Variants in P3H3 observed in about 807,000 individuals in gnomAD.
P3H3 encodes the protein gene rich cluster, B.
In P3H3, 64 loss-of-function variants were observed where a neutral mutation model predicts 78.1. The ratio of observed to expected loss-of-function variants is 0.82; its 90% CI spans 0.67 to 1.01. The LOEUF (loss-of-function observed/expected upper bound fraction) is 1.01, where lower values mean the gene tolerates loss of function less well. Among genes scored for constraint, P3H3 ranks in the 50% least tolerant of loss-of-function variants. The pLI is 0.00. For missense variants in P3H3, 975 were observed against 982.2 expected, an observed-to-expected ratio of 0.99 and a Z score of 0.10; for synonymous variants, 425 against 416.7, an observed-to-expected ratio of 1.02 and a Z score of -0.24.
chr12:6,833,324 T>G (rs2137962437), intron 6 of P3H3: 1 of 514,380 alleles, frequency 1.9e-6, no homozygotes, highest in Non-Finnish European at 3.5e-6. Flanking sequence ...ATGAGACTGT[T>G]GTGAACTTTA....
chr12:6,829,296 G>C lies in P3H3; in HGVS notation c.498+358G>C, dbSNP rs999793102. On this transcript the variant is annotated intron_variant, in intron 1 of 14. Transcript: ENST00000290510. This position sits in a 1 kb window ranked among gnomAD's most constrained non-coding sequence, Gnocchi z 5.1. Reference sequence around the variant, plus strand: ...GTGTGCGTGGGTGTGTGTGTGTGTCGGGGGTGGTGGTGAGTGTGAACCTTC... The same window carrying C: ...GTGTGCGTGGGTGTGTGTGTGTGTCCGGGGTGGTGGTGAGTGTGAACCTTC... The C allele has an allele frequency of 7.7e-6, 2 of 261,044 alleles. No individual in the cohort carries two copies. Among genetic ancestry groups the C allele is most frequent in the African/African-American group, 4.4e-5 (2 of 44,974 alleles). The allele number at this position is 261,044 out of a possible 1,614,324, so 16.2% of individuals were successfully genotyped here. A position where few individuals can be genotyped will look rare whatever the true frequency, so the allele number is the denominator to read the frequency against.
intron 6 of P3H3, among the ~76,000 whole-genome samples, chr12:6,832,595 T>TTTTTTA (rs1215029651): frequency 1.3e-5 from 2 of 151,998 alleles, no homozygotes; most frequent in Non-Finnish European, 2.9e-5. Flanking sequence ...GAAGCTAGTT[T>TTTTTTA]TTTTTATTTT....
intron 10 of P3H3, 115 bp downstream of exon 10, chr12:6,837,201 C>A: frequency 9.8e-7 from 1 of 1,020,018 alleles, no homozygotes; most frequent in Non-Finnish European, 1.4e-6. Context: ...GGGACCGAGA[C>A]TACCTGATAG....
chr12:6,837,060 G>T lies in P3H3; in HGVS notation c.1534G>T (p.Gly512Trp). 1 of 1,605,986 alleles carries T rather than the reference G, an allele frequency of 6.2e-7. No homozygotes were observed. ...SPHTPHERFEGLTVLKAAQLA... is the reference protein window; with the variant it reads ...SPHTPHERFEWLTVLKAAQLA... ...TCACACCCCCCATGAACGCTTCGAG[G>T]GGCTCACGGTGCTTAAGGCTGCGCA... is the stretch of plus-strand genomic sequence containing the variant. The change falls in exon 10 of 15, where the codon GGG (glycine) becomes TGG (tryptophan). Residue 512 changes from glycine (G) to tryptophan (W), a missense_variant. Transcript: ENST00000290510.
Position 6,828,589 on chromosome 12 carries a change from C to G in P3H3, c.149C>G (p.Ala50Gly). Reference protein sequence around the residue: ...LYADGLRAYAAGAWAPAVALL... With the variant: ...LYADGLRAYAGGAWAPAVALL... ...GCTGACGGGCTGCGCGCCTACGCGG[C>G]CGGGGCTTGGGCGCCGGCCGTGGCG... The change falls in exon 1 of 15, where the codon GCC (alanine) becomes GGC (glycine). Residue 50 changes from alanine to glycine, a missense_variant. Coordinates refer to ENST00000290510, the MANE Select transcript of P3H3 (RefSeq NM_014262.5). 2 of 1,224,498 alleles carry G rather than the reference C, an allele frequency of 1.6e-6. No homozygotes were observed. 75.9% of individuals were successfully genotyped at this position (1,224,498 alleles called of 1,614,324 possible).
Position 6,830,539 on chromosome 12 carries a change from T to C in P3H3, c.838T>C (p.Tyr280His). 10 of 1,572,542 alleles carry C rather than the reference T, an allele frequency of 6.4e-6. No individual in the cohort carries two copies. Among genetic ancestry groups the C allele is most frequent in the Non-Finnish European group, 8.6e-6 (10 of 1,159,450 alleles). ...TGGGGCTGCGAGCCAGGGGGGCCTC[T>C]ATGAGGCCATTGCAGGTAAGGGTCC... ...EDGAASQGGLYEAIAGHWIQV... is the reference protein window; with the variant it reads ...EDGAASQGGLHEAIAGHWIQV... The change falls in exon 3 of 15, where the codon TAT (tyrosine) becomes CAT (histidine). Residue 280 changes from tyrosine to histidine, a missense_variant. Physicochemically the swap from Tyr to His is moderately conservative, Grantham distance 83 (BLOSUM62 2). Coordinates refer to ENST00000290510, the MANE Select transcript of P3H3 (RefSeq NM_014262.5).
At position 6,839,596 on chromosome 12, in the gene P3H3, T is replaced by G; in HGVS notation, c.*135T>G. 3.7e-6 allele frequency: 4 copies of G among 1,074,620 alleles called. No homozygotes were observed. The highest frequency in any genetic ancestry group is 5.2e-6 in the Non-Finnish European group (4 of 764,556). The allele number at this position is 1,074,620 out of a possible 1,614,324, so 66.6% of individuals were successfully genotyped here. On this transcript the variant is annotated 3_prime_UTR_variant, in exon 15 of 15. Transcript: ENST00000290510. ...TCTCTGTCCCTGCACCCCCACCATC[T>G]TGGGGACCTACAAGGGCCTGGACTC...
In P3H3 at chr12:6,830,793, C is replaced by A. The variant is rs782281965; in HGVS notation, c.985+23C>A. On this transcript the variant is annotated intron_variant, in intron 4 of 14. Coordinates refer to ENST00000290510, the MANE Select transcript of P3H3 (RefSeq NM_014262.5). ...AGGGTCAGTTGGGGAAGGGTGGAAA[C>A]GGGGAGTGAAGATTTGCCTCTGCTG... The A allele has an allele frequency of 7.4e-6, 12 of 1,613,146 alleles. No individual in the cohort carries two copies. In the African/African-American group the frequency reaches 8.0e-5, roughly 11 times the overall value.
chr12:6,833,778 C>G lies in P3H3; in HGVS notation c.1302C>G (p.Pro434=), dbSNP rs782609907. ...DQEKRPWDHE[P]VKPKPLTYWK... ...AGAAGAGGCCTTGGGACCATGAGCCCGTGAAGCCAAAGCCCTTGACCTACT... is the reference window on the plus strand; with the variant it reads ...AGAAGAGGCCTTGGGACCATGAGCCGGTGAAGCCAAAGCCCTTGACCTACT... Residue 434 remains proline (P), a synonymous_variant, in exon 8 of 15, where the codon CCC becomes CCG. Transcript: ENST00000290510. 2 of 1,611,806 alleles carry G rather than the reference C, an allele frequency of 1.2e-6. No homozygotes were observed. The highest frequency in any genetic ancestry group is 1.7e-6 in the Non-Finnish European group (2 of 1,178,022).
Position 6,828,470 on chromosome 12 carries a change from A to T in P3H3, c.30A>T (p.Leu10=). The T allele has an allele frequency of 8.1e-7, 1 of 1,231,282 alleles. No individual in the cohort carries two copies. Among genetic ancestry groups the T allele is most frequent in the Non-Finnish European group, 1.1e-6 (1 of 912,322 alleles). 76.3% of individuals were successfully genotyped at this position (1,231,282 alleles called of 1,614,324 possible). A position where few individuals can be genotyped will look rare whatever the true frequency, so the allele number is the denominator to read the frequency against. ...TCCGGCTCCTCCGGCCGCTGCTGCT[A>T]CTGCTGCTGCTGCCTCCCCCGGGGT... is the stretch of plus-strand genomic sequence containing the variant. MLRLLRPLL[L]LLLLPPPGSP... The change falls in exon 1 of 15, where the codon CTA becomes CTT. Residue 10 remains leucine, a synonymous_variant. Transcript: ENST00000290510.
In P3H3 at chr12:6,837,466, T is replaced by G; in HGVS notation, c.1604T>G (p.Leu535Arg). ...GTGGGCAGTCAGGGTGCTAAGCTGC[T>G]TCTGGAGGTGAGCGAGCGGGTGCGG... ...GTVGSQGAKL[L>R]LEVSERVRTL... The change falls in exon 11 of 15, where the codon CTT becomes CGT. Residue 535 changes from leucine to arginine, a missense_variant. By Grantham distance (102) the Leu-to-Arg change is moderately radical. Transcript: ENST00000290510. 1 of 1,612,026 alleles carries G rather than the reference T, an allele frequency of 6.2e-7. No homozygotes were observed. Among genetic ancestry groups the G allele is most frequent in the Non-Finnish European group, 8.5e-7 (1 of 1,179,208 alleles).
chr12:6,830,737 C>G lies in P3H3; in HGVS notation c.952C>G (p.Gln318Glu), dbSNP rs1943442134. The part of the protein sequence containing the change: ...SFPVPDFLPN[Q>E]LRRLHEAHAQ... ...CCCTGTCCCAGACTTCCTTCCCAAC[C>G]AGCTGAGGCGGCTACATGAGGCCCA... Residue 318 changes from glutamine to glutamate, a missense_variant, in exon 4 of 15, where the codon CAG becomes GAG. Physicochemically the swap from Gln to Glu is conservative, Grantham distance 29 (BLOSUM62 2). Coordinates refer to ENST00000290510, the MANE Select transcript of P3H3 (RefSeq NM_014262.5). The G allele has an allele frequency of 6.2e-7, 1 of 1,613,892 alleles. No homozygotes were observed. Among genetic ancestry groups the G allele is most frequent in the Admixed American group, 1.7e-5 (1 of 60,000 alleles).
rs1555120869 is a variant in P3H3 at position 6,828,852 on chromosome 12, G to T, written c.412G>T (p.Ala138Ser). 1 of 1,245,398 alleles carries T rather than the reference G, an allele frequency of 8.0e-7. No individual in the cohort carries two copies. Among genetic ancestry groups the T allele is most frequent in the Non-Finnish European group, 1.0e-6 (1 of 994,748 alleles). The allele number at this position is 1,245,398 out of a possible 1,614,324, so 77.1% of individuals were successfully genotyped here. ...CAARRLGPGG[A>S]ARLRVGSALR... ...AGCACGGAGGCTGGGCCCCGGGGGC[G>T]CGGCGCGGCTTCGCGTGGGGAGCGC... is the stretch of plus-strand genomic sequence containing the variant. The change falls in exon 1 of 15, where the codon GCG (alanine) becomes TCG (serine). Residue 138 changes from alanine to serine, a missense_variant. Transcript: ENST00000290510.
rs1555121025 is a variant in P3H3 at position 6,829,861 on chromosome 12, G to A, written c.501G>A (p.Leu167=). Residue 167 remains leucine (L), a splice_region_variant and synonymous_variant, in exon 2 of 15, where the codon TTG becomes TTA. Coordinates refer to ENST00000290510, the MANE Select transcript of P3H3 (RefSeq NM_014262.5). This position sits in a 1 kb window ranked among gnomAD's most constrained non-coding sequence, Gnocchi z 5.1. Reference sequence around the variant, plus strand: ...CCCTCCTCCCTTCGCCTCCTCAGTTGAAGAAGCTGGATCTGGCAGCTGCGG... The same window carrying A: ...CCCTCCTCCCTTCGCCTCCTCAGTTAAAGAAGCTGGATCTGGCAGCTGCGG... ...YNYLQRAYYQ[L]KKLDLAAAAA... 1.2e-6 allele frequency: 2 copies of A among 1,613,952 alleles called. No individual in the cohort carries two copies. The highest frequency in any genetic ancestry group is 8.5e-7 in the Non-Finnish European group (1 of 1,179,868).
At chr12:6,837,357 G>C in intron 10 of P3H3, 66 bp from the exon 11 acceptor site, 1 of 1,544,444 alleles carries the variant, frequency 6.5e-7, no homozygotes, top group Non-Finnish European at 8.7e-7. Context: ...GTTGGGCAGG[G>C]GCTAGGGCCG....
chr12:6,833,154 G>A (rs1273270146), intron 6 of P3H3, among the ~76,000 whole-genome samples: 6 of 151,072 alleles, frequency 4.0e-5, no homozygotes, highest in African/African-American at 1.2e-4. Flanking sequence ...CAGCCTGGGC[G>A]ACAGTGTGAG....
rs1555121822 is a variant in P3H3, at chr12:6,834,044, G to A, written c.1453G>A (p.Ala485Thr). The A allele has an allele frequency of 6.2e-7, 1 of 1,613,440 alleles. No individual in the cohort carries two copies. The highest frequency in any genetic ancestry group is 1.3e-5 in the African/African-American group (1 of 75,004). The change falls in exon 9 of 15, where the codon GCT (alanine) becomes ACT (threonine). Residue 485 changes from alanine (A) to threonine (T), a missense_variant. Transcript: ENST00000290510. ...PAECGVLLQL[A>T]KDAAGAGARS... ...CGAGTGTGGGGTGCTGCTGCAGCTG[G>A]CTAAGGTAGGAAGACCTGCAAGCTC...
Position 6,831,181 on chromosome 12 carries a change from TC to T in P3H3, c.986-30del, listed in dbSNP as rs1371681125. ...AGGATCAATGTGCTCTAAGTATTCA[TC>T]CCCCAACCCCTGACCTTGTCGCTCC... On this transcript the variant is annotated intron_variant, in intron 4 of 14. Transcript: ENST00000290510. The surrounding 1 kb of genome is among the most constrained non-coding windows in gnomAD (Gnocchi z 4.6). 2 of 1,613,008 alleles carry T rather than the reference TC, an allele frequency of 1.2e-6. No individual in the cohort carries two copies. Among genetic ancestry groups the T allele is most frequent in the East Asian group, 2.2e-5 (1 of 44,848 alleles).
chr12:6,839,304 T>G lies in P3H3; in HGVS notation c.2054T>G (p.Ile685Arg), dbSNP rs1129649. The G allele has an allele frequency of 3.2e-6, 5 of 1,552,518 alleles. No homozygotes were observed. Among genetic ancestry groups the G allele is most frequent in the Non-Finnish European group, 4.4e-6 (5 of 1,147,718 alleles). Residue 685 changes from isoleucine to arginine, a missense_variant, in exon 15 of 15, where the codon ATA becomes AGA. Coordinates refer to ENST00000290510, the MANE Select transcript of P3H3 (RefSeq NM_014262.5). ...WAPEHREQEW[I>R]EAKELLQESQ... ...TCTCCTCCCCAACCCCAGGAGTGGA[T>G]AGAAGCCAAAGAACTGCTGCAGGAG...
Sources: gnomAD v4.1 joint callset for allele counts (sites outside exome capture counted in the v4.1 genomes callset) on GRCh38, gnomAD v4.1.1 for gene constraint, Gnocchi (gnomAD v3.1) non-coding constraint, MANE v1.5 for transcripts, NCBI Gene and HGNC (gene_info 2026-07-23, HGNC 2026-07-21) for gene names.